TTLL5: variants seen among roughly 807,000 people sequenced by gnomAD.
TTLL5 encodes tubulin tyrosine ligase like 5.
Under a neutral mutation model 168.4 loss-of-function variants are expected in TTLL5, and 132 were observed. The observed-to-expected ratio is 0.78, with a 90% confidence interval of 0.68 to 0.91. TTLL5 has a LOEUF of 0.91. Ranked by LOEUF, TTLL5 falls within the 40% of genes least tolerant of loss-of-function variation. The pLI, the probability that TTLL5 is intolerant of heterozygous loss-of-function variation, is 0.00. For missense variants in TTLL5, 1,545 were observed against 1,581.5 expected, an observed-to-expected ratio of 0.98 and a Z score of 0.39; for synonymous variants, 546 against 558.6, an observed-to-expected ratio of 0.98 and a Z score of 0.32.
At chr14:75,848,638 T>G (rs893747947) in intron 28 of TTLL5, among the ~76,000 whole-genome samples, 1 of 152,198 alleles carries the variant, frequency 6.6e-6, no homozygotes, top group Non-Finnish European at 1.5e-5. Context: ...TTTTTAGGCT[T>G]CATGTGGTAT....
intron 12 of TTLL5, 76 bp from the exon 13 acceptor site, chr14:75,732,262 G>A (rs2140233332): frequency 7.6e-7 from 1 of 1,323,424 alleles, no homozygotes; most frequent in East Asian, 2.5e-5. Context: ...GAGTTAATGA[G>A]ATTGAGTCTT....
chr14:75,710,885 A>C (rs979544410), intron 9 of TTLL5: 1 of 152,204 alleles, frequency 6.6e-6, no homozygotes, highest in Non-Finnish European at 1.5e-5. Context: ...GAAAAACCAT[A>C]ATCTTTCCTA....
chr14:75,854,219 ATTC>A (rs1039567913), intron 28 of TTLL5, among the ~76,000 whole-genome samples: 1 of 152,136 alleles, frequency 6.6e-6, no homozygotes, highest in African/African-American at 2.4e-5. Context: ...ACTAGTAATC[ATTC>A]TTCTGACTCC....
Position 75,800,316 on chromosome 14 carries a change from T to C in TTLL5, c.3171+7216T>C, listed in dbSNP as rs10142460. 6.2e-3 allele frequency among the ~76,000 whole-genome samples: 946 copies of C among 152,266 alleles called. 10 individuals carry two copies. Among genetic ancestry groups the C allele is most frequent in the African/African-American group, 0.022 (914 of 41,568 alleles). ...AAGTGTGTCTTTTATTTCCAGGAGTTATGATTGTTTTTTATCGATGCTCTC... is the reference window on the plus strand; with the variant it reads ...AAGTGTGTCTTTTATTTCCAGGAGTCATGATTGTTTTTTATCGATGCTCTC... On this transcript the variant is annotated intron_variant, in intron 27 of 31. Transcript: ENST00000298832.
intron 30 of TTLL5, among the ~76,000 whole-genome samples, chr14:75,884,917 T>C (rs1402046983): frequency 6.6e-6 from 1 of 150,676 alleles, no homozygotes; most frequent in African/African-American, 2.4e-5. Flanking sequence ...ACGCCTGTAA[T>C]CCCAGCACTT....
At chr14:75,928,343 A>ATATATATATATATATC (rs1491330307) in intron 31 of TTLL5, among the ~76,000 whole-genome samples, 1 of 17,568 alleles carries the variant, frequency 5.7e-5, no homozygotes, top group Non-Finnish European at 9.8e-5. Context: ...TGACAAAAAC[A>ATATATATATATATATC]TATATATATA....
chr14:75,681,574 C>A lies in TTLL5; in HGVS notation c.211C>A (p.Arg71=). 3 of 1,613,302 alleles carry A rather than the reference C, an allele frequency of 1.9e-6. No individual in the cohort carries two copies. Among genetic ancestry groups the A allele is most frequent in the Non-Finnish European group, 2.5e-6 (3 of 1,179,898 alleles). ...ERYHLSYKIV[R]TDSRLVRSIL... The stretch of plus-strand genomic sequence containing the variant: ...TTATCATTTGTCTTATAAGATTGTA[C>A]GAACGGACAGTCGCCTAGTACGCAG... The change falls in exon 4 of 32, where the codon CGA becomes AGA. Residue 71 remains arginine (R), a synonymous_variant. Transcript: ENST00000298832.
intron 28 of TTLL5, among the ~76,000 whole-genome samples, chr14:75,822,569 T>C (rs1300120540): frequency 6.6e-6 from 1 of 152,200 alleles, no homozygotes; most frequent in African/African-American, 2.4e-5. Flanking sequence ...GTACTTTTCA[T>C]CTCTGCATGT....
intron 1 of TTLL5, 130 bp from the exon 2 acceptor site, chr14:75,662,925 A>G: frequency 1.6e-6 from 1 of 629,542 alleles, no homozygotes; most frequent in East Asian, 2.7e-5. Flanking sequence ...ATGGAAAGTA[A>G]ACTTCTAGAG....
At position 75,942,182 on chromosome 14, in the gene TTLL5, CAA is replaced by C. The variant is rs36054096; in HGVS notation, c.3824-12227_3824-12226del. 8.8e-3 allele frequency among the ~76,000 whole-genome samples: 1,235 copies of C among 140,044 alleles called. 16 individuals are homozygous for C. The highest frequency in any genetic ancestry group is 0.028 in the South Asian group (122 of 4,320). 91.9% of individuals were successfully genotyped at this position (140,044 alleles called of 152,430 possible). A position where few individuals can be genotyped will look rare whatever the true frequency, so the allele number is the denominator to read the frequency against. ...TGGGCTACAGAGCAAGACTCTGTCT[CAA>C]AAAAAAAAAAAAAATGTGTATCCCT... On this transcript the variant is annotated intron_variant, in intron 31 of 31. Coordinates refer to ENST00000298832, the MANE Select transcript of TTLL5 (RefSeq NM_015072.5).
intron 31 of TTLL5, among the ~76,000 whole-genome samples, chr14:75,914,246 G>A (rs528935209): frequency 6.6e-6 from 1 of 150,962 alleles, no homozygotes; most frequent in East Asian, 1.9e-4. Context: ...TTACTTTTTG[G>A]GTGAATTGTC....
At position 75,745,098 on chromosome 14, in the gene TTLL5, T is replaced by G. The variant is rs200850090; in HGVS notation, c.1285T>G (p.Cys429Gly). The G allele has an allele frequency of 8.7e-6, 14 of 1,613,822 alleles. No homozygotes were observed. In the African/African-American group the frequency reaches 1.6e-4, roughly 18 times the overall value. The part of the protein sequence containing the change: ...RRNPFQKPQR[C>G]RPLSASDAEM... ...ATTTTCATTTTCTTCTCCTTAGCGTTGCCGTCCACTCTCTGCCAGTGATGC... is the reference window on the plus strand; with the variant it reads ...ATTTTCATTTTCTTCTCCTTAGCGTGGCCGTCCACTCTCTGCCAGTGATGC... The change falls in exon 16 of 32, where the codon TGC (cysteine) becomes GGC (glycine). Residue 429 changes from cysteine to glycine, a missense_variant. Physicochemically the swap from Cys to Gly is radical, Grantham distance 159. Coordinates refer to ENST00000298832, the MANE Select transcript of TTLL5 (RefSeq NM_015072.5).
At position 75,882,850 on chromosome 14, in the gene TTLL5, C is replaced by T; in HGVS notation, c.3688C>T (p.Pro1230Ser). 2 of 1,614,120 alleles carry T rather than the reference C, an allele frequency of 1.2e-6. No individual in the cohort carries two copies. Among genetic ancestry groups the T allele is most frequent in the South Asian group, 2.2e-5 (2 of 91,072 alleles). ...TTGCGCCTCCCTGGTTCCCAAACCC[C>T]CACCCAACCACGAACAAGTGCTCAG... The part of the protein sequence containing the change: ...SSCASLVPKP[P>S]PNHEQVLRRA... The change falls in exon 30 of 32, where the codon CCA (proline) becomes TCA (serine). Residue 1230 changes from proline (P) to serine (S), a missense_variant. Physicochemically the swap from Pro to Ser is moderately conservative, Grantham distance 74. Transcript: ENST00000298832.
chr14:75,760,871 G>A (rs928402097), intron 18 of TTLL5, among the ~76,000 whole-genome samples: 2 of 151,854 alleles, frequency 1.3e-5, no homozygotes, highest in Non-Finnish European at 2.9e-5. Context: ...GACACAGAAA[G>A]CAATAAAAAA....
At chr14:75,798,087 A>AT (rs1228324793) in intron 27 of TTLL5, among the ~76,000 whole-genome samples, 2 of 151,824 alleles carry the variant, frequency 1.3e-5, no homozygotes, top group African/African-American at 4.8e-5. Context: ...ACTTCTTTTT[A>AT]TTGGCAATTT....
chr14:75,772,618 G>T (rs988067780), intron 21 of TTLL5, among the ~76,000 whole-genome samples: 1 of 151,656 alleles, frequency 6.6e-6, no homozygotes, highest in African/African-American at 2.4e-5. Context: ...GGAGCTTTAA[G>T]CTGTTTGGTA....
chr14:75,706,517 T>C (rs915626942), intron 7 of TTLL5, among the ~76,000 whole-genome samples: 1 of 152,222 alleles, frequency 6.6e-6, no homozygotes, highest in Admixed American at 6.5e-5. Context: ...CTTAAGTGAA[T>C]CAATTAAACA....
chr14:75,870,299 G>A (rs1355255486), intron 29 of TTLL5, among the ~76,000 whole-genome samples: 1 of 150,274 alleles, frequency 6.7e-6, no homozygotes, highest in African/African-American at 2.5e-5. Context: ...GGAGAACGGG[G>A]TCTCGCTATA....
At chr14:75,772,856 G>A (rs1314587726) in intron 21 of TTLL5, among the ~76,000 whole-genome samples, 1 of 151,882 alleles carries the variant, frequency 6.6e-6, no homozygotes, top group Non-Finnish European at 1.5e-5. Context: ...AAGTAGTGAC[G>A]GGGTTTTTCC....
Sources: allele counts gnomAD v4.1 joint callset (sites outside exome capture counted in the v4.1 genomes callset), GRCh38; gene constraint gnomAD v4.1.1; transcripts MANE v1.5; gene names NCBI Gene and HGNC (gene_info 2026-07-23, HGNC 2026-07-21).